Variants in CPAMD8 observed in about 807,000 individuals in gnomAD.
CPAMD8 encodes the protein C3 and PZP-like alpha-2-macroglobulin domain-containing protein 8.
In CPAMD8, 146 loss-of-function variants were observed where a neutral mutation model predicts 224.7. The observed-to-expected ratio is 0.65, with a 90% CI of 0.57 to 0.75. CPAMD8 has a LOEUF of 0.75. CPAMD8 is among the 30% of genes least tolerant of loss of function. The pLI, the probability that CPAMD8 is intolerant of heterozygous loss-of-function variation, is 0.00. For synonymous variants in CPAMD8, 966 were observed against 1,044.6 expected, an observed-to-expected ratio of 0.92 and a Z score of 1.45; for missense variants, 2,301 against 2,537.5, an observed-to-expected ratio of 0.91 and a Z score of 2.00.
At position 16,975,253 on chromosome 19, in the gene CPAMD8, G is replaced by A. The variant is rs1380194248; in HGVS notation, c.1914C>T (p.Phe638=). 2.5e-6 allele frequency: 4 copies of A among 1,602,232 alleles called. No individual in the cohort carries two copies. Among genetic ancestry groups the A allele is most frequent in the Non-Finnish European group, 3.4e-6 (4 of 1,173,800 alleles). The part of the protein sequence containing the change: ...SGFRLTPAQV[F]QELEDYDVSD... ...AAACATCATAATCTTCCAGTTCCTG[G>A]AAAACCTGCAGGCAAAGGGGGACAG... is the stretch of plus-strand genomic sequence containing the variant. The change falls in exon 17 of 42, where the codon TTC becomes TTT. Residue 638 remains phenylalanine, a synonymous_variant. Coordinates refer to ENST00000443236, the MANE Select transcript of CPAMD8 (RefSeq NM_015692.5).
intron 14 of CPAMD8, among the ~76,000 whole-genome samples, chr19:16,977,829 C>G (rs974889026): frequency 6.6e-6 from 1 of 152,154 alleles, no homozygotes; most frequent in African/African-American, 2.4e-5. Flanking sequence ...CTGACCAGCC[C>G]TCTGCTTCCT....
At chr19:17,016,882 T>C (rs2056826234) in intron 3 of CPAMD8, among the ~76,000 whole-genome samples, 1 of 150,600 alleles carries the variant, frequency 6.6e-6, no homozygotes, top group South Asian at 2.1e-4. Context: ...AAGGGAGTTC[T>C]AGGGTCTTTT....
At chr19:17,022,382 T>A (rs1483357516) in intron 1 of CPAMD8, among the ~76,000 whole-genome samples, 1 of 152,212 alleles carries the variant, frequency 6.6e-6, no homozygotes, top group Non-Finnish European at 1.5e-5. Flanking sequence ...GAAGTCCCCA[T>A]GCTGGGTAAG....
intron 27 of CPAMD8, among the ~76,000 whole-genome samples, chr19:16,915,918 C>G (rs1418588352): frequency 6.7e-6 from 1 of 149,684 alleles, no homozygotes; most frequent in Non-Finnish European, 1.5e-5. Flanking sequence ...CTTTCTCTCT[C>G]TCCTTCCTTT....
chr19:17,000,400 T>C lies in CPAMD8; in HGVS notation c.867+14A>G, dbSNP rs775321907. The C allele has an allele frequency of 2.9e-6, 3 of 1,044,890 alleles. No individual in the cohort carries two copies. The highest frequency in any genetic ancestry group is 4.5e-6 in the Non-Finnish European group (3 of 661,440). The allele number at this position is 1,044,890 out of a possible 1,614,324, so 64.7% of individuals were successfully genotyped here. On this transcript the variant is annotated intron_variant, in intron 10 of 41. Transcript: ENST00000443236. ...GGGTTGGGTCAGGGGGTAGAAGGGGTCCCTGTTTCTCACCTTGGTTGTTCT... is the reference window on the plus strand; with the variant it reads ...GGGTTGGGTCAGGGGGTAGAAGGGGCCCCTGTTTCTCACCTTGGTTGTTCT...
rs150816988 is a variant in CPAMD8 at position 17,009,643 on chromosome 19, G to A, written c.487-323C>T. 846 of 219,102 alleles carry A rather than the reference G, an allele frequency of 3.9e-3. 7 individuals are homozygous for A. Among genetic ancestry groups the A allele is most frequent in the African/African-American group, 0.018 (794 of 44,542 alleles). The allele number at this position is 219,102 out of a possible 1,614,324, so 13.6% of individuals were successfully genotyped here. ...GAAAAAATTAGCCGGGCATGGTCGTGGGTGCCTGTAGTCCCAGCTACTCGG... is the reference window on the plus strand; with the variant it reads ...GAAAAAATTAGCCGGGCATGGTCGTAGGTGCCTGTAGTCCCAGCTACTCGG... On this transcript the variant is annotated intron_variant, in intron 5 of 41. Transcript: ENST00000443236.
intron 14 of CPAMD8, among the ~76,000 whole-genome samples, chr19:16,979,389 T>TCCATCCAG (rs2122747425): frequency 1.3e-5 from 2 of 148,744 alleles, no homozygotes; most frequent in South Asian, 4.3e-4. Context: ...TGTCCATTCA[T>TCCATCCAG]CCATCCATCC....
At chr19:16,979,392 A>ATCCATCCG (rs1365170603) in intron 14 of CPAMD8, among the ~76,000 whole-genome samples, 3 of 142,976 alleles carry the variant, frequency 2.1e-5, no homozygotes, top group Non-Finnish European at 4.5e-5. Flanking sequence ...CCATTCATCC[A>ATCCATCCG]TCCATCCATC....
At position 16,901,209 on chromosome 19, in the gene CPAMD8, CCTG is replaced by C; in HGVS notation, c.4771_4773del (p.Gln1591del). The C allele has an allele frequency of 1.2e-6, 2 of 1,605,892 alleles. No homozygotes were observed. Among genetic ancestry groups the C allele is most frequent in the Non-Finnish European group, 1.7e-6 (2 of 1,176,522 alleles). Reference sequence around the variant, plus strand: ...ACCGCTGCTCACCGGCGCTGCCTCACCTGCTCCAGGCTCTCGATGTCTGCCCGG... The same window carrying C: ...ACCGCTGCTCACCGGCGCTGCCTCACCTCCAGGCTCTCGATGTCTGCCCGG... On this transcript the variant is annotated inframe_deletion and splice_region_variant, in exon 36 of 42. Transcript: ENST00000443236.
chr19:17,009,438 T>C (rs2123121753), intron 5 of CPAMD8, 118 bp from the exon 6 acceptor site: 1 of 1,543,560 alleles, frequency 6.5e-7, no homozygotes, highest in East Asian at 2.3e-5. Flanking sequence ...GGTTAAACAG[T>C]GTCCCCCTAG....
intron 21 of CPAMD8, 151 bp downstream of exon 21, chr19:16,946,923 C>T: frequency 1.3e-6 from 1 of 746,012 alleles, no homozygotes; most frequent in Non-Finnish European, 2.1e-6. Flanking sequence ...TTCCTTCTGT[C>T]CTGCTTGCCC....
At chr19:16,959,049 T>G (rs2054565293) in intron 18 of CPAMD8, among the ~76,000 whole-genome samples, 2 of 152,130 alleles carry the variant, frequency 1.3e-5, no homozygotes, top group Non-Finnish European at 2.9e-5. Flanking sequence ...TCCACCTGCC[T>G]CGGCCTCCCA....
intron 18 of CPAMD8, among the ~76,000 whole-genome samples, chr19:16,968,420 G>C (rs1389767893): frequency 6.6e-6 from 1 of 152,116 alleles, no homozygotes; most frequent in Non-Finnish European, 1.5e-5. Context: ...TTGAAAGATG[G>C]AGAACACTTC....
At chr19:16,975,637 G>C (rs1443738551) in intron 16 of CPAMD8, among the ~76,000 whole-genome samples, 3 of 152,144 alleles carry the variant, frequency 2.0e-5, no homozygotes, top group Admixed American at 2.0e-4. Context: ...AAGCCCAGGA[G>C]GTGTTCGCTA....
intron 10 of CPAMD8, 81 bp from the exon 11 acceptor site, chr19:16,997,419 G>T: frequency 2.4e-6 from 2 of 821,296 alleles, no homozygotes; most frequent in Non-Finnish European, 4.1e-6. Context: ...CACACCTGAG[G>T]TGCAAGACTC....
chr19:16,982,405 A>C (rs1264572571), intron 13 of CPAMD8, among the ~76,000 whole-genome samples: 1 of 151,966 alleles, frequency 6.6e-6, no homozygotes, highest in Non-Finnish European at 1.5e-5. Context: ...CAATCAATCA[A>C]TATTTTTTAA....
At position 16,911,706 on chromosome 19, in the gene CPAMD8, C is replaced by T. The variant is rs928767538; in HGVS notation, c.3861+2718G>A. The stretch of plus-strand genomic sequence containing the variant: ...GACTACAGGCGCCTGCCACCATGCC[C>T]GGCTAATTTTTTGTATTTTTAGTAG... On this transcript the variant is annotated intron_variant, in intron 29 of 41. Coordinates refer to ENST00000443236, the MANE Select transcript of CPAMD8 (RefSeq NM_015692.5). Among the ~76,000 whole-genome samples the T allele has an allele frequency of 1.6e-4, 24 of 152,188 alleles. No individual in the cohort carries two copies. The East Asian group carries it at 2.3e-3, about 15-fold the overall frequency.
chr19:16,950,001 TA>T (rs1420284742), intron 20 of CPAMD8, among the ~76,000 whole-genome samples: 1 of 152,072 alleles, frequency 6.6e-6, no homozygotes, highest in Non-Finnish European at 1.5e-5. Context: ...AGGAGCTTGA[TA>T]AAATGATGAA....
At chr19:16,947,456 C>A (rs574091211) in intron 20 of CPAMD8, among the ~76,000 whole-genome samples, 3 of 152,196 alleles carry the variant, frequency 2.0e-5, no homozygotes, top group Non-Finnish European at 4.4e-5. Context: ...TGCTGTGAGA[C>A]CTCTCCTCCC....
Sources: gnomAD v4.1 joint callset for allele counts (sites outside exome capture counted in the v4.1 genomes callset) on GRCh38, gnomAD v4.1.1 for gene constraint, MANE v1.5 for transcripts, NCBI Gene and HGNC (gene_info 2026-07-23, HGNC 2026-07-21) for gene names.